Variants in SNX29 observed in about 807,000 individuals in gnomAD.
The protein encoded by SNX29 is sorting nexin 29.
Under a neutral mutation model 102.1 loss-of-function variants are expected in SNX29, and 78 were observed. The ratio of observed to expected loss-of-function variants is 0.76; its 90% CI spans 0.64 to 0.92. SNX29 has a LOEUF of 0.92. Ranked by LOEUF, SNX29 falls within the 40% of genes least tolerant of loss-of-function variation. The probability of loss-of-function intolerance (pLI) is 0.00; values close to 1 mark genes in which losing one functional copy is unlikely to be tolerated. For missense variants in SNX29, 1,280 were observed against 1,061.7 expected (o/e 1.21, Z -2.86); for synonymous variants, 580 against 414.5 (o/e 1.40, Z -4.85).
chr16:12,489,377 A>G (rs1221325182), intron 19 of SNX29, among the ~76,000 whole-genome samples: 6 of 152,100 alleles, frequency 3.9e-5, no homozygotes, highest in African/African-American at 1.4e-4. Flanking sequence ...GGCTGGAGGA[A>G]TCCTCTCCCT....
intron 7 of SNX29, among the ~76,000 whole-genome samples, chr16:12,049,842 C>T (rs1256798572): frequency 1.3e-5 from 2 of 152,136 alleles, no homozygotes; most frequent in African/African-American, 2.4e-5. Flanking sequence ...GTCTTGAACT[C>T]CTGGCCTCAA....
At chr16:12,065,542 T>G (rs1222307473) in intron 9 of SNX29, among the ~76,000 whole-genome samples, 2 of 152,198 alleles carry the variant, frequency 1.3e-5, no homozygotes, top group Admixed American at 1.3e-4. Context: ...AAAGTTCTAT[T>G]TCTCCTTGTC....
rs2079194171 is a variant in SNX29, at chr16:12,571,834, C to T, written c.*3205C>T. The T allele has an allele frequency of 9.6e-7, 1 of 1,043,496 alleles. No individual in the cohort carries two copies. Among genetic ancestry groups the T allele is most frequent in the Non-Finnish European group, 1.2e-6 (1 of 860,548 alleles). The allele number at this position is 1,043,496 out of a possible 1,614,324, so 64.6% of individuals were successfully genotyped here. A position where few individuals can be genotyped will look rare whatever the true frequency, so the allele number is the denominator to read the frequency against. ...TCCAGCTTCTTTGATTCCCACTTAG[C>T]AGTATGCTCCAATCACGTTGCTGGC... On this transcript the variant is annotated 3_prime_UTR_variant, in exon 21 of 21. Transcript: ENST00000566228.
At chr16:12,176,770 G>C (rs563430689) in intron 13 of SNX29, among the ~76,000 whole-genome samples, 1 of 152,298 alleles carries the variant, frequency 6.6e-6, no homozygotes, top group East Asian at 1.9e-4. Flanking sequence ...AGTGTGAATT[G>C]TGAAAGAGAT....
At chr16:12,081,508 C>A (rs3851010) in intron 11 of SNX29, 33,133 of 151,584 alleles carry the variant, frequency 0.22, 4,094 homozygotes, top group African/African-American at 0.34. Flanking sequence ...CAGTTGAGGA[C>A]AACAATGAAG....
rs146191469 is a variant in SNX29 at position 12,245,540 on chromosome 16, G to A, written c.1679-32393G>A. ...TTCTTCTAGTTATATTTATGGGGCAGAAGTCTGTTAAACATCTTTAAAATT... is the reference window on the plus strand; with the variant it reads ...TTCTTCTAGTTATATTTATGGGGCAAAAGTCTGTTAAACATCTTTAAAATT... On this transcript the variant is annotated intron_variant, in intron 14 of 20. Coordinates refer to ENST00000566228, the MANE Select transcript of SNX29 (RefSeq NM_032167.5). Among the ~76,000 whole-genome samples the A allele has an allele frequency of 1.1e-4, 17 of 151,930 alleles. No individual in the cohort carries two copies. The East Asian group carries it at 3.3e-3, about 29-fold the overall frequency.
intron 16 of SNX29, among the ~76,000 whole-genome samples, chr16:12,365,870 G>A (rs1410866495): frequency 3.3e-5 from 5 of 151,058 alleles, no homozygotes; most frequent in Admixed American, 2.6e-4. Context: ...GTGAAACCCC[G>A]TCTCTACTAA....
At chr16:12,118,736 G>T (rs1204000520) in intron 11 of SNX29, among the ~76,000 whole-genome samples, 1 of 152,108 alleles carries the variant, frequency 6.6e-6, no homozygotes, top group Non-Finnish European at 1.5e-5. Flanking sequence ...ACGCATACCT[G>T]AGTGCTGTGT....
intron 20 of SNX29, among the ~76,000 whole-genome samples, chr16:12,563,002 A>G (rs2078816680): frequency 6.7e-6 from 1 of 149,506 alleles, no homozygotes; most frequent in Admixed American, 6.6e-5. Context: ...AACTGCTTCA[A>G]TGCGCCTTTC....
At position 12,098,793 on chromosome 16, in the gene SNX29, G is replaced by A. The variant is rs967378901; in HGVS notation, c.1402+19878G>A. On this transcript the variant is annotated intron_variant, in intron 11 of 20. Coordinates refer to ENST00000566228, the MANE Select transcript of SNX29 (RefSeq NM_032167.5). The surrounding 1 kb of genome is among the most constrained non-coding windows in gnomAD (Gnocchi z 6.0). ...TGGGAAGGTGGGCTTACAAAACCTCGTCCCTGAGTCTAACAGTCAGAGGTA... is the reference window on the plus strand; with the variant it reads ...TGGGAAGGTGGGCTTACAAAACCTCATCCCTGAGTCTAACAGTCAGAGGTA... 2.6e-5 allele frequency among the ~76,000 whole-genome samples: 4 copies of A among 152,212 alleles called. No individual in the cohort carries two copies. Among genetic ancestry groups the A allele is most frequent in the Non-Finnish European group, 5.9e-5 (4 of 68,048 alleles).
At chr16:12,515,086 C>G (rs1283506960) in intron 19 of SNX29, among the ~76,000 whole-genome samples, 1 of 152,138 alleles carries the variant, frequency 6.6e-6, no homozygotes, top group Admixed American at 6.6e-5. Flanking sequence ...GCTGCTGCTA[C>G]TAATAATGAT....
Position 12,571,598 on chromosome 16 carries a change from A to G in SNX29, c.*2969A>G. ...TTCATGGCCTGCTGTGCTGAAACAG[A>G]ACAGCAGGTTCCATCTTTCACATCT... is the stretch of plus-strand genomic sequence containing the variant. On this transcript the variant is annotated 3_prime_UTR_variant, in exon 21 of 21. Transcript: ENST00000566228. The G allele has an allele frequency of 9.4e-7, 1 of 1,058,410 alleles. No homozygotes were observed. The highest frequency in any genetic ancestry group is 5.4e-5 in the Admixed American group (1 of 18,598). The allele number at this position is 1,058,410 out of a possible 1,614,324, so 65.6% of individuals were successfully genotyped here.
intron 13 of SNX29, among the ~76,000 whole-genome samples, chr16:12,176,910 C>T (rs1454275521): frequency 6.6e-6 from 1 of 151,540 alleles, no homozygotes; most frequent in East Asian, 1.9e-4. Context: ...GGAAAATTTG[C>T]AGGTCCTGGG....
chr16:12,208,346 T>C (rs2077098216), intron 14 of SNX29, among the ~76,000 whole-genome samples: 2 of 152,216 alleles, frequency 1.3e-5, no homozygotes, highest in African/African-American at 4.8e-5. Flanking sequence ...CAGAGGTGTG[T>C]GGTCTCCATC....
At chr16:12,517,696 C>G (rs1158770129) in intron 19 of SNX29, among the ~76,000 whole-genome samples, 3 of 152,110 alleles carry the variant, frequency 2.0e-5, no homozygotes, top group Non-Finnish European at 4.4e-5. Context: ...GGTGGAATTA[C>G]CATCTAGCAA....
intron 6 of SNX29, among the ~76,000 whole-genome samples, chr16:12,047,565 C>T (rs1342798526): frequency 1.3e-5 from 2 of 150,756 alleles, no homozygotes; most frequent in African/African-American, 4.9e-5. Flanking sequence ...TTAATACTTA[C>T]AATCCTGTGA....
chr16:12,388,418 C>T (rs144233023), intron 16 of SNX29, among the ~76,000 whole-genome samples: 12 of 152,318 alleles, frequency 7.9e-5, no homozygotes, highest in African/African-American at 2.9e-4. Context: ...ATTCTCAAGC[C>T]CTTGACATTT....
At chr16:12,090,750 C>T (rs1308469821) in intron 11 of SNX29, among the ~76,000 whole-genome samples, 1 of 152,150 alleles carries the variant, frequency 6.6e-6, no homozygotes, top group South Asian at 2.1e-4. Context: ...GAGGCTCACA[C>T]CTGTAATCCC....
At chr16:12,539,013 A>G (rs77372030) in intron 20 of SNX29, among the ~76,000 whole-genome samples, 2 of 152,206 alleles carry the variant, frequency 1.3e-5, no homozygotes, top group Non-Finnish European at 2.9e-5. Flanking sequence ...TCGAGCCAAA[A>G]CCATCCATGA....
Sources: allele counts gnomAD v4.1 joint callset (sites outside exome capture counted in the v4.1 genomes callset), GRCh38; gene constraint gnomAD v4.1.1; non-coding constraint Gnocchi (gnomAD v3.1); transcripts MANE v1.5; gene names NCBI Gene and HGNC (gene_info 2026-07-23, HGNC 2026-07-21).